Variants in THSD4 observed in about 807,000 individuals in gnomAD.
THSD4 encodes thrombospondin type-1 domain-containing protein 4.
A neutral mutation model predicts 119.0 loss-of-function variants in THSD4; 69 were observed. The ratio of observed to expected loss-of-function variants is 0.58; its 90% confidence interval spans 0.48 to 0.71. The LOEUF is 0.71. THSD4 is among the 30% of genes least tolerant of loss of function. The pLI, the probability that THSD4 is intolerant of heterozygous loss-of-function variation, is 0.00. For synonymous variants in THSD4, 524 were observed against 540.4 expected (o/e 0.97, Z 0.42); for missense variants, 1,393 against 1,391.1 (o/e 1.00, Z -0.02).
chr15:71,297,623 C>T (rs1261102784), intron 6 of THSD4, among the ~76,000 whole-genome samples: 2 of 152,096 alleles, frequency 1.3e-5, no homozygotes, highest in African/African-American at 4.8e-5. Context: ...CGTGAGCTAC[C>T]ACGCTCGGCC....
intron 6 of THSD4, among the ~76,000 whole-genome samples, chr15:71,311,787 C>T (rs918526075): frequency 1.3e-5 from 2 of 152,190 alleles, no homozygotes; most frequent in South Asian, 2.1e-4. Flanking sequence ...GCCTTTCTCT[C>T]GTCACTCCTC....
chr15:71,764,076 AT>A (rs1333045857), intron 15 of THSD4, among the ~76,000 whole-genome samples: 4 of 150,134 alleles, frequency 2.7e-5, no homozygotes, highest in African/African-American at 7.4e-5. Flanking sequence ...CAAAAAAAAA[AT>A]AAATAAATAA....
chr15:71,251,820 G>T (rs147316400), intron 5 of THSD4, among the ~76,000 whole-genome samples: 186 of 152,224 alleles, frequency 1.2e-3, no homozygotes, highest in Non-Finnish European at 1.7e-3. Flanking sequence ...TGTCATTTCA[G>T]ATTAACCAGG....
intron 4 of THSD4, among the ~76,000 whole-genome samples, chr15:71,224,593 AAC>A (rs1491440037): frequency 1.3e-5 from 2 of 152,196 alleles, no homozygotes; most frequent in Admixed American, 1.3e-4. Flanking sequence ...GCTTAAAAAA[AAC>A]ACACCAGTTT....
At chr15:71,351,726 G>A (rs2045746056) in intron 6 of THSD4, among the ~76,000 whole-genome samples, 3 of 152,192 alleles carry the variant, frequency 2.0e-5, no homozygotes, top group Admixed American at 2.0e-4. Flanking sequence ...CTGCTGGGCT[G>A]GTGATGGTTC....
At chr15:71,764,949 C>A in intron 15 of THSD4, 71 bp from the exon 16 acceptor site, 1 of 1,525,312 alleles carries the variant, frequency 6.6e-7, no homozygotes, top group Non-Finnish European at 8.8e-7. Flanking sequence ...TCATAAGCAT[C>A]CCTTGATGGA....
intron 8 of THSD4, among the ~76,000 whole-genome samples, chr15:71,661,439 A>C (rs1280548390): frequency 6.6e-6 from 1 of 150,846 alleles, no homozygotes; most frequent in East Asian, 1.9e-4. Flanking sequence ...CCTGTCACCC[A>C]GGTTCGAGTG....
At chr15:71,722,760 T>C (rs77889111) in intron 8 of THSD4, among the ~76,000 whole-genome samples, 1 of 152,246 alleles carries the variant, frequency 6.6e-6, no homozygotes, top group African/African-American at 2.4e-5. Flanking sequence ...AATGTCTCCC[T>C]TCTTATCTCC....
chr15:71,338,618 C>G (rs984552341), intron 6 of THSD4, among the ~76,000 whole-genome samples: 2 of 152,106 alleles, frequency 1.3e-5, no homozygotes, highest in African/African-American at 4.8e-5. Context: ...GTATTCACTG[C>G]ATCAGGGCTG....
intron 5 of THSD4, among the ~76,000 whole-genome samples, chr15:71,252,960 C>T (rs891510854): frequency 4.6e-5 from 7 of 152,172 alleles, no homozygotes; most frequent in South Asian, 2.1e-4. Flanking sequence ...CTTCCACGTC[C>T]GGGCCCAAGA....
chr15:71,192,935 C>T (rs2043685735), intron 3 of THSD4, among the ~76,000 whole-genome samples: 1 of 152,066 alleles, frequency 6.6e-6, no homozygotes, highest in South Asian at 2.1e-4. Context: ...AATCGTTTTT[C>T]TTCCTACGTT....
intron 6 of THSD4, among the ~76,000 whole-genome samples, chr15:71,268,804 A>G (rs1225185272): frequency 1.3e-5 from 2 of 152,184 alleles, no homozygotes; most frequent in Non-Finnish European, 2.9e-5. Flanking sequence ...CCACAGAAAT[A>G]CAAACTACCA....
intron 7 of THSD4, among the ~76,000 whole-genome samples, chr15:71,547,988 T>C (rs35194812): frequency 0.13 from 19,147 of 151,964 alleles, 1,299 homozygotes; most frequent in Middle Eastern, 0.19. Context: ...GAGAATGATA[T>C]ACAACAGGGC....
chr15:71,140,912 T>A (rs602501), intron 1 of THSD4, among the ~76,000 whole-genome samples: 18,037 of 152,290 alleles, frequency 0.12, 2,106 homozygotes, highest in African/African-American at 0.3. Flanking sequence ...TCTATAGATT[T>A]GCCTATTCTA....
At chr15:71,747,267 G>C (rs1340569071) in intron 13 of THSD4, among the ~76,000 whole-genome samples, 1 of 152,276 alleles carries the variant, frequency 6.6e-6, no homozygotes, top group Non-Finnish European at 1.5e-5. Context: ...AGTGAGCCCA[G>C]GGGGAGCCCT....
chr15:71,512,573 T>A (rs1456630161), intron 7 of THSD4, among the ~76,000 whole-genome samples: 1 of 151,636 alleles, frequency 6.6e-6, no homozygotes, highest in Non-Finnish European at 1.5e-5. Flanking sequence ...AAACCACGGG[T>A]TTTTAAGTTT....
intron 1 of THSD4, among the ~76,000 whole-genome samples, chr15:71,127,005 T>C (rs908793110): frequency 6.6e-6 from 1 of 152,252 alleles, no homozygotes; most frequent in Non-Finnish European, 1.5e-5. Context: ...CTATTTTCAC[T>C]GCACTATGCA....
chr15:71,357,432 T>G (rs1219007205), intron 6 of THSD4, among the ~76,000 whole-genome samples: 1 of 152,184 alleles, frequency 6.6e-6, no homozygotes, highest in Non-Finnish European at 1.5e-5. Flanking sequence ...AGTGTGTATT[T>G]CAGCAAGTCC....
intron 7 of THSD4, among the ~76,000 whole-genome samples, chr15:71,428,958 TC>T (rs2046908751): frequency 6.6e-6 from 1 of 152,224 alleles, no homozygotes; most frequent in Non-Finnish European, 1.5e-5. Context: ...GAGAACATGC[TC>T]ATTCATTTTA....
Sources: allele counts gnomAD v4.1 joint callset (sites outside exome capture counted in the v4.1 genomes callset), GRCh38; gene constraint gnomAD v4.1.1; transcripts MANE v1.5; gene names NCBI Gene and HGNC (gene_info 2026-07-23, HGNC 2026-07-21).